Variants in DNAH1 observed in about 807,000 individuals in gnomAD.
DNAH1 encodes the protein axonemal beta dynein heavy chain 1.
Under a neutral mutation model 484.3 loss-of-function variants are expected in DNAH1, and 327 were observed. The observed-to-expected ratio is 0.68, with a 90% CI of 0.62 to 0.74. The LOEUF is 0.74. DNAH1 is among the 30% of genes least tolerant of loss of function. DNAH1 has a pLI of 0.00. For synonymous variants in DNAH1, 2,192 were observed against 2,191.9 expected (o/e 1.00, Z 0.00); for missense variants, 5,052 against 5,546.8 (o/e 0.91, Z 2.83).
chr3:52,371,667 C>T (rs933748530), intron 41 of DNAH1, among the ~76,000 whole-genome samples: 3 of 152,374 alleles, frequency 2.0e-5, no homozygotes, highest in Middle Eastern at 3.4e-3. Flanking sequence ...CAGGGCCTGG[C>T]AGTCCTTAGG....
Position 52,361,901 on chromosome 3 carries a change from C to G in DNAH1, c.4980+135C>G. 1 of 935,974 alleles carries G rather than the reference C, an allele frequency of 1.1e-6. No individual in the cohort carries two copies. Among genetic ancestry groups the G allele is most frequent in the East Asian group, 2.7e-5 (1 of 37,720 alleles). 58.0% of individuals were successfully genotyped at this position (935,974 alleles called of 1,614,324 possible). On this transcript the variant is annotated intron_variant, in intron 30 of 77. Transcript: ENST00000420323. This position sits in a 1 kb window ranked among gnomAD's most constrained non-coding sequence, Gnocchi z 5.6. ...GCCTCTCTTGTCCCGGGGGCACACC[C>G]TAACCCCAGTCTGTGGGCAGCTCCC...
intron 34 of DNAH1, among the ~76,000 whole-genome samples, chr3:52,365,551 A>G (rs1409989233): frequency 1.3e-5 from 2 of 151,910 alleles, no homozygotes; most frequent in Non-Finnish European, 2.9e-5. Flanking sequence ...GGCTGGGGGG[A>G]CACTGCCCTC....
At chr3:52,391,707 C>T (rs1704396208) in intron 63 of DNAH1, 104 bp downstream of exon 63, 2 of 1,378,742 alleles carry the variant, frequency 1.5e-6, no homozygotes, top group Non-Finnish European at 2.0e-6. Flanking sequence ...CTTTCCCCCA[C>T]TCAAAGTCTC....
chr3:52,328,230 A>G (rs1047667006), intron 6 of DNAH1, among the ~76,000 whole-genome samples: 2 of 152,232 alleles, frequency 1.3e-5, no homozygotes, highest in Non-Finnish European at 2.9e-5. Context: ...GGACAGCTGG[A>G]TGGTGTCTAG....
intron 6 of DNAH1, among the ~76,000 whole-genome samples, chr3:52,328,341 C>T (rs1321581739): frequency 6.6e-6 from 1 of 152,188 alleles, no homozygotes; most frequent in Non-Finnish European, 1.5e-5. Flanking sequence ...TCCATCCCTC[C>T]ACCCAGAAGC....
rs773925409 is a variant in DNAH1, at chr3:52,391,308, G to A, written c.9871G>A (p.Glu3291Lys). 16 of 1,611,320 alleles carry A rather than the reference G, an allele frequency of 9.9e-6. No individual in the cohort carries two copies. The Middle Eastern group carries it at 4.9e-4, about 50-fold the overall frequency. Residue 3291 changes from glutamate (E) to lysine (K), a missense_variant, in exon 62 of 78, where the codon GAG becomes AAG. Coordinates refer to ENST00000420323, the MANE Select transcript of DNAH1 (RefSeq NM_015512.5). ...NVGEELDPAL[E>K]PVLLKQTYKQ... ...GGGCGAGGAGCTAGACCCAGCCCTG[G>A]AGCCAGTGCTGCTCAAGCAGGTGGG...
In DNAH1 at chr3:52,353,508, A is replaced by G. The variant is rs1440416246; in HGVS notation, c.3355A>G (p.Asn1119Asp). 1 of 1,613,954 alleles carries G rather than the reference A, an allele frequency of 6.2e-7. No homozygotes were observed. The highest frequency in any genetic ancestry group is 1.1e-5 in the South Asian group (1 of 91,086). ...CTGGGAGACACTGTCCAACCAGATCAACATCAATGTCAGGCCCAAGGCCAA... is the reference window on the plus strand; with the variant it reads ...CTGGGAGACACTGTCCAACCAGATCGACATCAATGTCAGGCCCAAGGCCAA... ...RHWETLSNQI[N>D]INVRPKANLT... is the part of the protein sequence containing the mutation. Residue 1119 changes from asparagine (N) to aspartate (D), a missense_variant, in exon 20 of 78, where the codon AAC (asparagine) becomes GAC (aspartate). By Grantham distance (23) the Asn-to-Asp change is conservative. Around this residue, in one of 4 missense-constraint regions of DNAH1, gnomAD observed 2,929 missense variants for 3,409.4 expected, o/e 0.86. Transcript: ENST00000420323. This position sits in a 1 kb window ranked among gnomAD's most constrained non-coding sequence, Gnocchi z 5.0.
intron 8 of DNAH1, among the ~76,000 whole-genome samples, chr3:52,344,148 G>A (rs1702051693): frequency 6.6e-6 from 1 of 152,232 alleles, no homozygotes; most frequent in Non-Finnish European, 1.5e-5. Flanking sequence ...TGCAGGGGAG[G>A]TGCAGGCTGT....
At chr3:52,398,521 C>T (rs562917749) in intron 75 of DNAH1, among the ~76,000 whole-genome samples, 106 of 152,328 alleles carry the variant, frequency 7.0e-4, no homozygotes, top group Non-Finnish European at 1.1e-3. Flanking sequence ...ATCTCCTGAC[C>T]TCATGATCCG....
chr3:52,394,459 T>G lies in DNAH1; in HGVS notation c.10627-6T>G. The G allele has an allele frequency of 6.2e-7, 1 of 1,613,868 alleles. No homozygotes were observed. Among genetic ancestry groups the G allele is most frequent in the African/African-American group, 1.3e-5 (1 of 75,058 alleles). On this transcript the variant is annotated splice_region_variant and splice_polypyrimidine_tract_variant and intron_variant, in intron 66 of 77. Transcript: ENST00000420323. ...TGGGCATCAGCCTCCTCCTGTCCCC[T>G]GCCAGAGTGAGTGGCGATACCTCCT...
rs527911002 is a variant in DNAH1 at position 52,393,049 on chromosome 3, T to C, written c.10474+24T>C. 6.2e-6 allele frequency: 10 copies of C among 1,608,760 alleles called. No homozygotes were observed. The East Asian group carries it at 2.0e-4, about 32-fold the overall frequency. On this transcript the variant is annotated intron_variant, in intron 65 of 77. Transcript: ENST00000420323. ...AGGTAGCACCGGCATGCCAGGCTCC[T>C]ACCCTGCACAGATATGACCCATGTG...
At chr3:52,349,885 GAC>G (rs1702299821) in intron 14 of DNAH1, 102 bp from the exon 15 acceptor site, 36 of 1,464,848 alleles carry the variant, frequency 2.5e-5, no homozygotes, top group Non-Finnish European at 3.0e-5. Context: ...TGGTGGAGGG[GAC>G]AGTTACCTGT....
intron 43 of DNAH1, 59 bp from the exon 44 acceptor site, chr3:52,372,837 T>G: frequency 6.4e-7 from 1 of 1,561,378 alleles, no homozygotes; most frequent in Non-Finnish European, 8.7e-7. Flanking sequence ...CGTTCGCCCC[T>G]GGATTCTCAG....
At chr3:52,349,505 G>A in intron 14 of DNAH1, 85 bp downstream of exon 14, 1 of 1,323,116 alleles carries the variant, frequency 7.6e-7, no homozygotes, top group Non-Finnish European at 1.1e-6. Flanking sequence ...ATGGCAAGAT[G>A]TCCCCAAGCA....
At chr3:52,374,053 G>A in intron 44 of DNAH1, 2 of 1,016,292 alleles carry the variant, frequency 2.0e-6, no homozygotes, top group Non-Finnish European at 3.1e-6. Context: ...AGTTTGTATT[G>A]CAGCTTTTAA....
chr3:52,360,738 C>T (rs897855698), intron 28 of DNAH1, among the ~76,000 whole-genome samples: 2 of 152,234 alleles, frequency 1.3e-5, no homozygotes, highest in Non-Finnish European at 2.9e-5. Flanking sequence ...AATGGGTATG[C>T]ACTTTCCTGT....
rs528941993 is a variant in DNAH1, at chr3:52,328,690, C to G, written c.871+676C>G. The stretch of plus-strand genomic sequence containing the variant: ...AGGCCTGCCCCAGCGGCTGTGGAGG[C>G]TCTCCCATTTCCTGCTGTGGAAAGC... On this transcript the variant is annotated intron_variant, in intron 6 of 77. Coordinates refer to ENST00000420323, the MANE Select transcript of DNAH1 (RefSeq NM_015512.5). Among the ~76,000 whole-genome samples, 27 of 152,414 alleles carry G rather than the reference C, an allele frequency of 1.8e-4. No individual in the cohort carries two copies. In the South Asian group the frequency reaches 5.4e-3, roughly 30 times the overall value.
rs551988772 is a variant in DNAH1, at chr3:52,347,691, G to A, written c.1956-133G>A. ...CCTCTCTGGTAACTTGGAGGTGTGT[G>A]GGACGAAGGAGAAGGCAAGTATTGT... On this transcript the variant is annotated intron_variant, in intron 11 of 77. Transcript: ENST00000420323. The A allele has an allele frequency of 4.5e-6, 5 of 1,110,086 alleles. No homozygotes were observed. The South Asian group carries it at 5.6e-5, about 12-fold the overall frequency. 68.8% of individuals were successfully genotyped at this position (1,110,086 alleles called of 1,614,324 possible).
intron 41 of DNAH1, among the ~76,000 whole-genome samples, chr3:52,371,584 C>A (rs998430148): frequency 6.6e-6 from 1 of 152,236 alleles, no homozygotes; most frequent in Non-Finnish European, 1.5e-5. Flanking sequence ...CTCGGGTAGC[C>A]TGAAACTAAA....
Sources: allele counts gnomAD v4.1 joint callset (sites outside exome capture counted in the v4.1 genomes callset), GRCh38; gene constraint gnomAD v4.1.1; regional missense constraint gnomAD v4.1.1; non-coding constraint Gnocchi (gnomAD v3.1); transcripts MANE v1.5; gene names NCBI Gene and HGNC (gene_info 2026-07-23, HGNC 2026-07-21).